EPM2A: variants seen among roughly 807,000 people sequenced by gnomAD.
EPM2A encodes the protein EPM2A glucan phosphatase, laforin.
EPM2A carries 21 observed loss-of-function variants against 26.5 expected under a neutral mutation model. The ratio of observed to expected loss-of-function variants is 0.79; its 90% CI spans 0.56 to 1.14. The LOEUF is 1.14. Among genes scored for constraint, EPM2A ranks in the 50% most tolerant of loss-of-function variants. EPM2A has a pLI of 0.00. For missense variants in EPM2A, 458 were observed against 440.8 expected (o/e 1.04, Z -0.35); for synonymous variants, 217 against 177.6 (o/e 1.22, Z -1.76).
At chr6:145,735,104 G>T in intron 1 of EPM2A, 94 bp downstream of exon 1, 1 of 857,980 alleles carries the variant, frequency 1.2e-6, no homozygotes. Context: ...CGCGCCGCCG[G>T]GGCCTGCGGG....
intron 2 of EPM2A, among the ~76,000 whole-genome samples, chr6:145,620,106 G>A (rs1157669304): frequency 6.6e-6 from 1 of 152,296 alleles, no homozygotes; most frequent in Non-Finnish European, 1.5e-5. Flanking sequence ...CTCTGAAATT[G>A]TTTAGACCAG....
intron 1 of EPM2A, among the ~76,000 whole-genome samples, chr6:145,724,958 A>G (rs559106242): frequency 6.6e-6 from 1 of 152,174 alleles, no homozygotes; most frequent in Non-Finnish European, 1.5e-5. Context: ...TACCAAAAGC[A>G]TAATCCATGA....
intron 2 of EPM2A, among the ~76,000 whole-genome samples, chr6:145,672,675 T>C (rs1779735720): frequency 6.6e-6 from 1 of 152,222 alleles, no homozygotes; most frequent in Non-Finnish European, 1.5e-5. Flanking sequence ...TAAAGAAGTC[T>C]CTGGACTGGG....
intron 4 of EPM2A, among the ~76,000 whole-genome samples, chr6:145,434,592 T>C (rs964196847): frequency 6.6e-6 from 1 of 152,184 alleles, no homozygotes; most frequent in African/African-American, 2.4e-5. Flanking sequence ...GGCTTGAAAA[T>C]ATTAAGCATA....
At position 145,490,609 on chromosome 6, in the gene EPM2A, G is replaced by T; in HGVS notation, c.555+11913C>A. The stretch of plus-strand genomic sequence containing the variant: ...GTAACAATTTAGGTGCTGTTTCCAT[G>T]TGCTCTCCCAAAGATACCTTTCATT... On this transcript the variant is annotated intron_variant, in intron 4 of 4. Transcript: ENST00000638717. The T allele has an allele frequency of 6.0e-6, 4 of 670,598 alleles. 1 individual carries two copies. The highest frequency in any genetic ancestry group is 2.9e-6 in the Non-Finnish European group (1 of 349,296). 41.5% of individuals were successfully genotyped at this position (670,598 alleles called of 1,614,324 possible). A position where few individuals can be genotyped will look rare whatever the true frequency, so the allele number is the denominator to read the frequency against.
At chr6:145,499,025 A>C (rs566031381), downstream of EPM2A, among the ~76,000 whole-genome samples, 10 of 152,090 alleles carry the variant, frequency 6.6e-5, no homozygotes, top group Non-Finnish European at 1.3e-4. Context: ...ATGCCTCCCA[A>C]TGGGTCTCTC....
intron 4 of EPM2A, among the ~76,000 whole-genome samples, chr6:145,421,704 C>T (rs886906416): frequency 1.3e-5 from 2 of 151,546 alleles, no homozygotes; most frequent in East Asian, 1.9e-4. Context: ...AACAGACTAG[C>T]TTTTAAAGAA....
At chr6:145,511,732 A>G (rs1780057540) in intron 2 of EPM2A, among the ~76,000 whole-genome samples, 1 of 152,184 alleles carries the variant, frequency 6.6e-6, no homozygotes, top group Admixed American at 6.5e-5. Context: ...CACCGCTCCT[A>G]TTCAATATAG....
At chr6:145,497,027 A>G (rs1344175966), downstream of EPM2A, among the ~76,000 whole-genome samples, 1 of 152,126 alleles carries the variant, frequency 6.6e-6, no homozygotes, top group Non-Finnish European at 1.5e-5. Flanking sequence ...AGTGAAGTTC[A>G]TTCCTATCCA....
intron 1 of EPM2A, among the ~76,000 whole-genome samples, chr6:145,714,592 C>A (rs1413440265): frequency 6.6e-6 from 1 of 152,120 alleles, no homozygotes; most frequent in African/African-American, 2.4e-5. Flanking sequence ...TAGAGACATA[C>A]CTGAGAAAGG....
At chr6:145,451,555 T>C (rs530714402) in intron 4 of EPM2A, among the ~76,000 whole-genome samples, 1 of 152,332 alleles carries the variant, frequency 6.6e-6, no homozygotes, top group Admixed American at 6.5e-5. Flanking sequence ...TTTATATTCT[T>C]CAATTAAAAC....
chr6:145,481,062 T>C (rs868596545), intron 4 of EPM2A, among the ~76,000 whole-genome samples: 1 of 152,098 alleles, frequency 6.6e-6, no homozygotes, highest in African/African-American at 2.4e-5. Context: ...TGTGGACTAA[T>C]GAAGAATTTC....
Position 145,674,601 on chromosome 6 carries a change from G to T in EPM2A, c.476+11521C>A, listed in dbSNP as rs536123204. On this transcript the variant is annotated intron_variant, in intron 2 of 3. Coordinates refer to ENST00000367519, the MANE Select transcript of EPM2A (RefSeq NM_005670.4). ...GTGTAGAAAAGACCTAAAATGACCTGACGGAGCTGAAAACCATGGCACGAG... is the reference window on the plus strand; with the variant it reads ...GTGTAGAAAAGACCTAAAATGACCTTACGGAGCTGAAAACCATGGCACGAG... Among the ~76,000 whole-genome samples, 4 of 152,234 alleles carry T rather than the reference G, an allele frequency of 2.6e-5. No individual in the cohort carries two copies. In the South Asian group the frequency reaches 8.3e-4, roughly 32 times the overall value.
intron 4 of EPM2A, among the ~76,000 whole-genome samples, chr6:145,475,247 A>G (rs1273268042): frequency 6.6e-6 from 1 of 152,234 alleles, no homozygotes; most frequent in Non-Finnish European, 1.5e-5. Context: ...CTAGATAAAG[A>G]AAATGTGGCA....
intron 4 of EPM2A, among the ~76,000 whole-genome samples, chr6:145,417,984 T>C (rs1034599259): frequency 2.6e-5 from 4 of 151,960 alleles, no homozygotes; most frequent in African/African-American, 9.7e-5. Context: ...GCCCACTCCC[T>C]CCCTCACACC....
At chr6:145,671,877 AGAG>A (rs1779672177) in intron 2 of EPM2A, among the ~76,000 whole-genome samples, 1 of 152,242 alleles carries the variant, frequency 6.6e-6, no homozygotes, top group African/African-American at 2.4e-5. Context: ...CATTTTTGAA[AGAG>A]TGTGAAGTGT....
chr6:145,698,454 C>A (rs2128623509), intron 1 of EPM2A, among the ~76,000 whole-genome samples: 1 of 152,184 alleles, frequency 6.6e-6, no homozygotes, highest in East Asian at 1.9e-4. Flanking sequence ...CCAGAAGGAC[C>A]TTGATCAGTT....
intron 2 of EPM2A, among the ~76,000 whole-genome samples, chr6:145,578,944 T>C (rs1044234652): frequency 6.6e-6 from 1 of 151,560 alleles, no homozygotes; most frequent in Non-Finnish European, 1.5e-5. Context: ...AGGTGGGAAT[T>C]GAACAATGAG....
intron 4 of EPM2A, among the ~76,000 whole-genome samples, chr6:145,475,454 G>T (rs1279942899): frequency 6.6e-6 from 1 of 152,024 alleles, no homozygotes; most frequent in African/African-American, 2.4e-5. Flanking sequence ...CACACACTGG[G>T]GCCTGTTGAT....
Sources: allele counts gnomAD v4.1 joint callset (sites outside exome capture counted in the v4.1 genomes callset), GRCh38; gene constraint gnomAD v4.1.1; transcripts MANE v1.5; gene names NCBI Gene and HGNC (gene_info 2026-07-23, HGNC 2026-07-21).